PLAAT1: variants seen among roughly 807,000 people sequenced by gnomAD.
PLAAT1 encodes the protein H-REV107 protein-related protein.
PLAAT1 carries 13 observed loss-of-function variants against 16.4 expected under a neutral mutation model. The ratio of observed to expected loss-of-function variants is 0.79; its 90% CI spans 0.52 to 1.26. The LOEUF is 1.26. Among genes scored for constraint, PLAAT1 ranks in the 50% most tolerant of loss-of-function variants. The pLI is 0.00. For synonymous variants in PLAAT1, 73 were observed against 78.4 expected (o/e 0.93, Z 0.36); for missense variants, 218 against 207.8 (o/e 1.05, Z -0.30).
chr3:193,263,047 G>T lies in PLAAT1; in HGVS notation c.217G>T (p.Asp73Tyr), dbSNP rs765880194. The T allele has an allele frequency of 3.7e-6, 6 of 1,614,110 alleles. No homozygotes were observed. The South Asian group carries it at 6.6e-5, about 18-fold the overall frequency. ...CCTGGTGAAAATGCAGCTCTTGAAG[G>T]ATGTTGTGGGAAATGACACATACAG... ...KALVKMQLLK[D>Y]VVGNDTYRIN... Residue 73 changes from aspartate to tyrosine, a missense_variant, in exon 3 of 4, where the codon GAT becomes TAT. By Grantham distance (160) the Asp-to-Tyr change is radical. Coordinates refer to ENST00000264735, the MANE Select transcript of PLAAT1 (RefSeq NM_020386.5).
intron 1 of PLAAT1, among the ~76,000 whole-genome samples, chr3:193,248,876 A>G (rs75890992): frequency 2.6e-5 from 4 of 152,230 alleles, no homozygotes; most frequent in East Asian, 3.9e-4. Flanking sequence ...GTGTTTGACT[A>G]TATACTTACT....
chr3:193,267,359 ATCCT>A (rs1716816601), intron 3 of PLAAT1, among the ~76,000 whole-genome samples: 1 of 151,508 alleles, frequency 6.6e-6, no homozygotes, highest in Non-Finnish European at 1.5e-5. Context: ...CCACCTATTC[ATCCT>A]TCCTTCCCTG....
downstream of PLAAT1, chr3:193,279,283 A>G: frequency 2.8e-6 from 3 of 1,088,434 alleles, no homozygotes; most frequent in Non-Finnish European, 4.2e-6. Context: ...AAGAGAATAC[A>G]GTAATAATTG....
chr3:193,279,360 A>G, downstream of PLAAT1: 1 of 1,609,788 alleles, frequency 6.2e-7, no homozygotes, highest in South Asian at 1.1e-5. Context: ...AATGAATGCC[A>G]CTTACCTCCA....
In PLAAT1 at chr3:193,263,195, T is replaced by A; in HGVS notation, c.365T>A (p.Phe122Tyr). The stretch of plus-strand genomic sequence containing the variant: ...TTACTTGTCAACAACTGTGAACATT[T>A]TGTGACATTGCTTCGCTATGGAGAA... ...YNLLVNNCEH[F>Y]VTLLRYGEGV... Residue 122 changes from phenylalanine to tyrosine, a missense_variant, in exon 3 of 4, where the codon TTT (phenylalanine) becomes TAT (tyrosine). Coordinates refer to ENST00000264735, the MANE Select transcript of PLAAT1 (RefSeq NM_020386.5). The A allele has an allele frequency of 6.2e-7, 1 of 1,614,196 alleles. No individual in the cohort carries two copies. The highest frequency in any genetic ancestry group is 8.5e-7 in the Non-Finnish European group (1 of 1,180,022).
intron 1 of PLAAT1, among the ~76,000 whole-genome samples, chr3:193,246,325 T>A (rs1489326065): frequency 3.3e-5 from 5 of 151,906 alleles, no homozygotes; most frequent in Non-Finnish European, 7.4e-5. Context: ...GTGCTTTTTG[T>A]CGTTCATTTT....
chr3:193,261,082 A>G (rs1328893281), intron 2 of PLAAT1, among the ~76,000 whole-genome samples: 1 of 152,238 alleles, frequency 6.6e-6, no homozygotes, highest in Non-Finnish European at 1.5e-5. Context: ...CAAAAAGTGT[A>G]TGCAGACCAG....
intron 1 of PLAAT1, among the ~76,000 whole-genome samples, chr3:193,245,106 G>A (rs1715930186): frequency 6.6e-6 from 1 of 152,152 alleles, no homozygotes; most frequent in Admixed American, 6.5e-5. Context: ...ATTATTATGT[G>A]TGGTCAACAT....
intron 2 of PLAAT1, 27 bp from the exon 3 acceptor site, chr3:193,262,943 C>T (rs762255928): frequency 2.0e-5 from 32 of 1,611,328 alleles, no homozygotes; most frequent in Admixed American, 3.3e-5. Context: ...GTCACTATAC[C>T]TTACTAACCA....
intron 3 of PLAAT1, among the ~76,000 whole-genome samples, chr3:193,269,235 A>T (rs2108803866): frequency 6.6e-6 from 1 of 152,304 alleles, no homozygotes; most frequent in East Asian, 1.9e-4. Flanking sequence ...TAAATAAAAT[A>T]GATAAGAAAT....
chr3:193,275,208 A>G, downstream of PLAAT1: 1 of 1,614,194 alleles, frequency 6.2e-7, no homozygotes, highest in African/African-American at 1.3e-5. Context: ...GTCTTCTGCT[A>G]GCTTCTTTTG....
At chr3:193,257,053 T>G (rs957740100) in intron 2 of PLAAT1, among the ~76,000 whole-genome samples, 1 of 152,212 alleles carries the variant, frequency 6.6e-6, no homozygotes, top group Non-Finnish European at 1.5e-5. Context: ...TGCATTTTTT[T>G]CTATGTGCTG....
At chr3:193,269,659 T>C (rs1560106195) in intron 3 of PLAAT1, among the ~76,000 whole-genome samples, 1 of 152,204 alleles carries the variant, frequency 6.6e-6, no homozygotes, top group Non-Finnish European at 1.5e-5. Flanking sequence ...TTTGCTTTAT[T>C]TGAAAGACCT....
intron 3 of PLAAT1, among the ~76,000 whole-genome samples, chr3:193,266,992 G>T (rs1716801977): frequency 7.3e-6 from 1 of 137,522 alleles, no homozygotes. Context: ...AGAAGGGTAG[G>T]ATTATGATTT....
chr3:193,270,385 A>G (rs373538946), intron 3 of PLAAT1, among the ~76,000 whole-genome samples: 10 of 152,190 alleles, frequency 6.6e-5, no homozygotes, highest in Admixed American at 6.5e-4. Context: ...TGAGGAATAT[A>G]TACCCATGTG....
At position 193,270,832 on chromosome 3, in the gene PLAAT1, A is replaced by G. The variant is rs1185909735; in HGVS notation, c.*127A>G. On this transcript the variant is annotated 3_prime_UTR_variant, in exon 4 of 4. Transcript: ENST00000264735. ...TATGATGGATGGCAGACTCTTTAAT[A>G]AATTGCTTACTGATATTATCTTATC... 15 of 1,380,226 alleles carry G rather than the reference A, an allele frequency of 1.1e-5. No homozygotes were observed. In the Admixed American group the frequency reaches 4.4e-4, roughly 41 times the overall value. The allele number at this position is 1,380,226 out of a possible 1,614,324, so 85.5% of individuals were successfully genotyped here.
rs577111801 is a variant in PLAAT1, at chr3:193,249,791, T to C, written c.1-5860T>C. Among the ~76,000 whole-genome samples, 5 of 152,010 alleles carry C rather than the reference T, an allele frequency of 3.3e-5. No homozygotes were observed. The South Asian group carries it at 1.0e-3, about 32-fold the overall frequency. On this transcript the variant is annotated intron_variant, in intron 1 of 3. Transcript: ENST00000264735. ...GATTTATTCTACTGTTGAACCTCCT[T>C]ATTGGTTTTTTCATTTCAGTTATAT... is the stretch of plus-strand genomic sequence containing the variant.
intron 2 of PLAAT1, among the ~76,000 whole-genome samples, chr3:193,262,541 G>A (rs1426530672): frequency 6.6e-6 from 1 of 152,076 alleles, no homozygotes; most frequent in Non-Finnish European, 1.5e-5. Context: ...ACTAATAACA[G>A]TGTACCCTAC....
chr3:193,258,807 A>G (rs1214600770), intron 2 of PLAAT1, among the ~76,000 whole-genome samples: 3 of 152,160 alleles, frequency 2.0e-5, no homozygotes, highest in Non-Finnish European at 4.4e-5. Flanking sequence ...AGATGGATTC[A>G]CAGCCAAATT....
Sources: gnomAD v4.1 joint callset for allele counts (sites outside exome capture counted in the v4.1 genomes callset) on GRCh38, gnomAD v4.1.1 for gene constraint, MANE v1.5 for transcripts, NCBI Gene and HGNC (gene_info 2026-07-23, HGNC 2026-07-21) for gene names.